Variants in ATRNL1 observed in about 807,000 individuals in gnomAD.
The protein encoded by ATRNL1 is attractin-like protein 1.
Under a neutral mutation model 182.7 loss-of-function variants are expected in ATRNL1, and 95 were observed. The observed-to-expected ratio is 0.52, with a 90% CI of 0.44 to 0.62. The LOEUF (loss-of-function observed/expected upper bound fraction) is 0.62. ATRNL1 is among the 20% of genes least tolerant of loss of function. The pLI is 0.00. For synonymous variants in ATRNL1, 576 were observed against 568.3 expected, an observed-to-expected ratio of 1.01 and a Z score of -0.19; for missense variants, 1,471 against 1,679.5, an observed-to-expected ratio of 0.88 and a Z score of 2.17.
At chr10:115,268,821 C>T (rs1259148621) in intron 13 of ATRNL1, among the ~76,000 whole-genome samples, 6 of 152,124 alleles carry the variant, frequency 3.9e-5, no homozygotes, top group African/African-American at 1.2e-4. Flanking sequence ...CATTAGTGGT[C>T]GTGTGGTCTA....
intron 10 of ATRNL1, among the ~76,000 whole-genome samples, chr10:115,249,270 A>G (rs1338187919): frequency 6.6e-6 from 1 of 152,142 alleles, no homozygotes; most frequent in Non-Finnish European, 1.5e-5. Context: ...CTGGGATTAC[A>G]TGCGTGAGCC....
intron 26 of ATRNL1, among the ~76,000 whole-genome samples, chr10:115,711,087 C>G (rs1947050100): frequency 6.6e-6 from 1 of 152,004 alleles, no homozygotes; most frequent in African/African-American, 2.4e-5. Flanking sequence ...TTTTCTTTCT[C>G]TGGGTTCTAA....
intron 26 of ATRNL1, among the ~76,000 whole-genome samples, chr10:115,603,913 C>T (rs1227430946): frequency 6.6e-6 from 1 of 152,074 alleles, no homozygotes. Flanking sequence ...GATATTTTTA[C>T]TGATTATAGA....
At chr10:115,847,475 G>A (rs1280976974) in intron 27 of ATRNL1, among the ~76,000 whole-genome samples, 2 of 151,996 alleles carry the variant, frequency 1.3e-5, no homozygotes, top group African/African-American at 4.8e-5. Context: ...GTATGTATAT[G>A]TATATGTATA....
intron 15 of ATRNL1, among the ~76,000 whole-genome samples, chr10:115,291,693 G>A (rs1852911972): frequency 6.6e-6 from 1 of 151,850 alleles, no homozygotes; most frequent in Non-Finnish European, 1.5e-5. Context: ...CATCCTTGTA[G>A]CCCTTGGATA....
intron 26 of ATRNL1, among the ~76,000 whole-genome samples, chr10:115,700,114 G>A (rs1946685137): frequency 6.6e-6 from 1 of 152,104 alleles, no homozygotes; most frequent in African/African-American, 2.4e-5. Context: ...TTGACTCAAT[G>A]TCTTTACCAT....
At chr10:115,786,489 T>C (rs1949398947) in intron 27 of ATRNL1, among the ~76,000 whole-genome samples, 1 of 152,174 alleles carries the variant, frequency 6.6e-6, no homozygotes. Flanking sequence ...CTTGTAATTG[T>C]ATCACTCCCA....
At chr10:115,836,529 C>T (rs1565422941) in intron 27 of ATRNL1, among the ~76,000 whole-genome samples, 5 of 152,122 alleles carry the variant, frequency 3.3e-5, no homozygotes, top group African/African-American at 1.2e-4. Context: ...GTGCACCTCC[C>T]CTCGCTTCTG....
At chr10:115,604,464 A>G (rs1856771664) in intron 26 of ATRNL1, among the ~76,000 whole-genome samples, 2 of 152,148 alleles carry the variant, frequency 1.3e-5, no homozygotes, top group African/African-American at 4.8e-5. Flanking sequence ...GAGCTGAGAA[A>G]CTGTGCAAGT....
intron 2 of ATRNL1, 101 bp downstream of exon 2, chr10:115,120,369 AGTTT>A (rs781527024): frequency 5.3e-4 from 318 of 596,776 alleles, no homozygotes; most frequent in Non-Finnish European, 7.4e-4. Flanking sequence ...TTTATCATTT[AGTTT>A]GTTTATTATT....
chr10:115,377,572 A>G (rs1488199232), intron 19 of ATRNL1, among the ~76,000 whole-genome samples: 4 of 152,124 alleles, frequency 2.6e-5, no homozygotes, highest in Admixed American at 2.6e-4. Flanking sequence ...TTTGGGCGTT[A>G]GTTACTGGAG....
At chr10:115,880,000 C>T (rs1387303116) in intron 28 of ATRNL1, among the ~76,000 whole-genome samples, 2 of 152,178 alleles carry the variant, frequency 1.3e-5, no homozygotes, top group Non-Finnish European at 2.9e-5. Flanking sequence ...AAAGCCAACA[C>T]AGCAGAGATG....
rs782285815 is a variant in ATRNL1 at position 115,252,829 on chromosome 10, C to T, written c.1687+11104C>T. ...CAATTCTAGTATCTTAATAGTTACC[C>T]TTCCTCATGTTTTTCAAGCATCTAG... is the stretch of plus-strand genomic sequence containing the variant. On this transcript the variant is annotated intron_variant, in intron 10 of 28. Transcript: ENST00000355044. 9.9e-5 allele frequency among the ~76,000 whole-genome samples: 15 copies of T among 152,228 alleles called. 1 individual carries two copies. The highest frequency in any genetic ancestry group is 3.4e-3 in the Middle Eastern group (1 of 294).
rs1953840494 is a variant in ATRNL1 at position 115,944,868 on chromosome 10, G to T, written c.*89G>T. 2 of 1,448,722 alleles carry T rather than the reference G, an allele frequency of 1.4e-6. No homozygotes were observed. Among genetic ancestry groups the T allele is most frequent in the South Asian group, 1.6e-5 (1 of 64,144 alleles). 89.7% of individuals were successfully genotyped at this position (1,448,722 alleles called of 1,614,324 possible). A position where few individuals can be genotyped will look rare whatever the true frequency, so the allele number is the denominator to read the frequency against. On this transcript the variant is annotated 3_prime_UTR_variant, in exon 29 of 29. Coordinates refer to ENST00000355044, the MANE Select transcript of ATRNL1 (RefSeq NM_207303.4). ...TATGGCCTTGGATTTTATGGAGGCA[G>T]ATCTCTGTATCATCCAGAGCCTGAG...
intron 26 of ATRNL1, among the ~76,000 whole-genome samples, chr10:115,654,228 T>C (rs927372277): frequency 2.0e-5 from 3 of 151,960 alleles, no homozygotes; most frequent in Non-Finnish European, 4.4e-5. Context: ...TCTTTTTTTT[T>C]TTTGTTTTTG....
chr10:115,799,038 G>C (rs1949727637), intron 27 of ATRNL1, among the ~76,000 whole-genome samples: 1 of 151,946 alleles, frequency 6.6e-6, no homozygotes, highest in Non-Finnish European at 1.5e-5. Context: ...TGTTGGCCGG[G>C]CTGGTCTTGA....
chr10:115,350,280 G>A (rs1425074630), intron 19 of ATRNL1, among the ~76,000 whole-genome samples: 1 of 132,520 alleles, frequency 7.5e-6, no homozygotes, highest in African/African-American at 2.9e-5. Context: ...AGGTTGCAGT[G>A]AGCCAAGATT....
chr10:115,404,815 C>CT (rs11408585), intron 20 of ATRNL1, among the ~76,000 whole-genome samples: 45,982 of 136,442 alleles, frequency 0.34, 8,700 homozygotes, highest in Middle Eastern at 0.49. Context: ...AACCTCCCAG[C>CT]TTTTTTTTTT....
chr10:115,861,686 CTA>C (rs1951319993), intron 28 of ATRNL1, among the ~76,000 whole-genome samples: 1 of 152,052 alleles, frequency 6.6e-6, no homozygotes, highest in African/African-American at 2.4e-5. Context: ...ATGATTTTTT[CTA>C]TGTTTAACAA....
Sources: gnomAD v4.1 joint callset for allele counts (sites outside exome capture counted in the v4.1 genomes callset) on GRCh38, gnomAD v4.1.1 for gene constraint, MANE v1.5 for transcripts, NCBI Gene and HGNC (gene_info 2026-07-23, HGNC 2026-07-21) for gene names.